The following CFAP47 variants were observed in gnomAD, a reference collection of about 807,000 sequenced individuals.
The protein encoded by CFAP47 is cilia- and flagella-associated protein 47.
A neutral mutation model predicts 148.1 loss-of-function variants in CFAP47; 29 were observed. The ratio of observed to expected loss-of-function variants is 0.20; its 90% CI spans 0.15 to 0.27. The LOEUF is 0.27. CFAP47 is among the 10% of genes least tolerant of loss of function. CFAP47 has a pLI of 1.00. For missense variants in CFAP47, 1,872 were observed against 1,697.5 expected (o/e 1.10, Z -1.81); for synonymous variants, 664 against 577.3 (o/e 1.15, Z -2.15).
At chrX:36,221,879 A>T (rs1482049485) in intron 45 of CFAP47, among the ~76,000 whole-genome samples, 1 of 111,573 alleles carries the variant, frequency 9.0e-6, no homozygotes, top group Non-Finnish European at 1.9e-5. Flanking sequence ...ACAGTGGAAG[A>T]TCTTATTAGA....
chrX:36,190,749 G>C (rs990415624), intron 42 of CFAP47, among the ~76,000 whole-genome samples: 24 of 111,064 alleles, frequency 2.2e-4, no homozygotes, highest in African/African-American at 7.2e-4. Context: ...GAGTTAGAGA[G>C]GGGGAGAGAG....
chrX:36,055,104 ATT>A (rs747236961), intron 26 of CFAP47, among the ~76,000 whole-genome samples: 13 of 102,064 alleles, frequency 1.3e-4, no homozygotes, highest in African/African-American at 4.6e-4. Flanking sequence ...ATTTTTTCTT[ATT>A]TTTTTTTTTA....
At chrX:36,231,825 A>G (rs1375849143) in intron 46 of CFAP47, among the ~76,000 whole-genome samples, 12 of 111,214 alleles carry the variant, frequency 1.1e-4, no homozygotes, top group Non-Finnish European at 2.1e-4. Flanking sequence ...AGCATGAAGG[A>G]TTGTTGAATT....
rs963088845 is a variant in CFAP47 at position 36,152,357 on chromosome X, T to C, written c.5786+3134T>C. On this transcript the variant is annotated intron_variant, in intron 37 of 63. Transcript: ENST00000378653. ...TAGTCACTTTGATATAAACTAGGTA[T>C]CCAGAACTTACTCAAGTTATATCTT... 5.4e-5 allele frequency among the ~76,000 whole-genome samples: 6 copies of C among 111,626 alleles called. No homozygotes were observed. The South Asian group carries it at 1.5e-3, about 28-fold the overall frequency.
At chrX:35,941,663 G>A (rs6632414) in intron 3 of CFAP47, among the ~76,000 whole-genome samples, 18,526 of 110,620 alleles carry the variant, frequency 0.17, 1,201 homozygotes, top group South Asian at 0.24. Flanking sequence ...TAGTGTCAGA[G>A]AAGTTACATA....
intron 30 of CFAP47, among the ~76,000 whole-genome samples, chrX:36,088,539 T>G (rs1210158092): frequency 9.0e-6 from 1 of 110,855 alleles, no homozygotes; most frequent in Non-Finnish European, 1.9e-5. Context: ...TCTTTCTCAT[T>G]ATAGAGAGAA....
chrX:36,240,935 T>C (rs1016039966), intron 48 of CFAP47, among the ~76,000 whole-genome samples: 12 of 110,850 alleles, frequency 1.1e-4, no homozygotes, highest in Non-Finnish European at 1.9e-4. Context: ...GAACTGCTGT[T>C]CCCATTGATA....
chrX:36,088,678 T>TCC (rs1938130309), intron 30 of CFAP47, among the ~76,000 whole-genome samples: 1 of 111,751 alleles, frequency 8.9e-6, no homozygotes, highest in African/African-American at 3.2e-5. Flanking sequence ...ATAAATGTCT[T>TCC]GTTTGAGCCA....
chrX:36,285,819 T>C (rs1414919406), intron 51 of CFAP47, 93 bp downstream of exon 51: 1 of 638,729 alleles, frequency 1.6e-6, no homozygotes, highest in African/African-American at 2.3e-5. Flanking sequence ...CCTTAAAAGG[T>C]CTGTATCAGA....
At chrX:36,095,367 G>T (rs899662558) in intron 30 of CFAP47, among the ~76,000 whole-genome samples, 1 of 111,595 alleles carries the variant, frequency 9.0e-6, no homozygotes, top group Non-Finnish European at 1.9e-5. Flanking sequence ...ATATTTCTTT[G>T]CTTTCAGCAT....
intron 18 of CFAP47, among the ~76,000 whole-genome samples, chrX:35,995,524 T>A (rs763510504): frequency 1.8e-5 from 2 of 110,628 alleles, no homozygotes; most frequent in Non-Finnish European, 3.8e-5. Context: ...TATATGGGGA[T>A]TGGTGATTGA....
At chrX:36,192,016 C>T (rs976218588) in intron 42 of CFAP47, among the ~76,000 whole-genome samples, 10 of 110,608 alleles carry the variant, frequency 9.0e-5, no homozygotes, top group African/African-American at 2.3e-4. Flanking sequence ...AACCACCTAT[C>T]GAAAACTGAA....
At chrX:36,322,909 G>A (rs1941489716) in intron 57 of CFAP47, among the ~76,000 whole-genome samples, 1 of 110,779 alleles carries the variant, frequency 9.0e-6, no homozygotes, top group Non-Finnish European at 1.9e-5. Flanking sequence ...CTAGTTGTAG[G>A]AGTTTTTCTG....
intron 57 of CFAP47, among the ~76,000 whole-genome samples, chrX:36,328,938 C>T (rs1200894228): frequency 9.1e-6 from 1 of 110,061 alleles, no homozygotes. Context: ...CAAATGAGCA[C>T]AAGGGAAAGC....
intron 50 of CFAP47, 111 bp from the exon 51 acceptor site, chrX:36,285,518 G>A: frequency 2.4e-6 from 1 of 411,310 alleles, no homozygotes; most frequent in Non-Finnish European, 4.4e-6. Flanking sequence ...TTGACAAAAA[G>A]TCCATTAAAC....
intron 1 of CFAP47, among the ~76,000 whole-genome samples, chrX:35,924,845 C>A (rs1407595596): frequency 1.8e-5 from 2 of 111,305 alleles, no homozygotes; most frequent in African/African-American, 6.5e-5. Flanking sequence ...AAAACATGAG[C>A]ATTAAGTCTT....
intron 42 of CFAP47, among the ~76,000 whole-genome samples, chrX:36,192,958 A>G (rs781947693): frequency 2.8e-4 from 31 of 112,016 alleles, no homozygotes; most frequent in Non-Finnish European, 3.8e-4. Context: ...AAGACCCTGC[A>G]AGGCTTTCTT....
intron 51 of CFAP47, among the ~76,000 whole-genome samples, chrX:36,289,245 C>A (rs868915332): frequency 1.2e-4 from 13 of 109,896 alleles, no homozygotes; most frequent in Non-Finnish European, 1.9e-4. Context: ...GATGATCTGC[C>A]CCCCCGCCTC....
At chrX:35,924,048 TGTACATGTATGC>T (rs1405645345) in intron 1 of CFAP47, among the ~76,000 whole-genome samples, 1 of 96,112 alleles carries the variant, frequency 1.0e-5, no homozygotes, top group African/African-American at 4.2e-5. Flanking sequence ...TATGTGTATA[TGTACATGTATGC>T]GCACATATAT....
Sources: gnomAD v4.1 joint callset for allele counts (sites outside exome capture counted in the v4.1 genomes callset) on GRCh38, gnomAD v4.1.1 for gene constraint, MANE v1.5 for transcripts, NCBI Gene and HGNC (gene_info 2026-07-23, HGNC 2026-07-21) for gene names.